FAT3: variants seen among roughly 807,000 people sequenced by gnomAD.
The protein encoded by FAT3 is protocadherin Fat 3.
FAT3 carries 95 observed loss-of-function variants against 310.2 expected under a neutral mutation model. The ratio of observed to expected loss-of-function variants is 0.31; its 90% CI spans 0.26 to 0.36. The LOEUF (loss-of-function observed/expected upper bound fraction) is 0.36. Among genes scored for constraint, FAT3 ranks in the 10% least tolerant of loss-of-function variants. FAT3 has a pLI of 1.00. For missense variants in FAT3, 5,408 were observed against 5,715.6 expected (o/e 0.95, Z 1.74); for synonymous variants, 2,314 against 2,192.9 (o/e 1.06, Z -1.54).
At chr11:92,403,448 A>G (rs930720769) in intron 2 of FAT3, 3 of 152,246 alleles carry the variant, frequency 2.0e-5, no homozygotes, top group African/African-American at 7.2e-5. Context: ...AGTGAGTTAA[A>G]TAAAATTCAT....
At chr11:92,430,879 A>G (rs1435337133) in intron 2 of FAT3, among the ~76,000 whole-genome samples, 2 of 152,100 alleles carry the variant, frequency 1.3e-5, no homozygotes, top group African/African-American at 2.4e-5. Context: ...CATGGTGTAT[A>G]TGTGCCACAT....
chr11:92,365,949 G>A (rs1400408849), intron 2 of FAT3, among the ~76,000 whole-genome samples: 2 of 152,192 alleles, frequency 1.3e-5, no homozygotes, highest in East Asian at 3.9e-4. Flanking sequence ...AAAAGTAAAT[G>A]TAACACATAC....
intron 1 of FAT3, among the ~76,000 whole-genome samples, chr11:92,343,301 C>T (rs193187786): frequency 7.1e-4 from 102 of 142,966 alleles, no homozygotes; most frequent in African/African-American, 2.8e-3. Context: ...TTGGCAGAAC[C>T]AGCTGAAGGC....
chr11:92,776,859 A>G (rs1946611159), intron 7 of FAT3, among the ~76,000 whole-genome samples: 1 of 152,106 alleles, frequency 6.6e-6, no homozygotes, highest in Non-Finnish European at 1.5e-5. Context: ...GCCATCAGGA[A>G]GTCATTACTC....
At chr11:92,499,946 G>A (rs1169938181) in intron 2 of FAT3, among the ~76,000 whole-genome samples, 2 of 151,932 alleles carry the variant, frequency 1.3e-5, no homozygotes, top group Non-Finnish European at 2.9e-5. Context: ...CAAATGTCAG[G>A]GGTCTGATAG....
At chr11:92,404,801 A>T (rs1950101473) in intron 2 of FAT3, among the ~76,000 whole-genome samples, 2 of 151,882 alleles carry the variant, frequency 1.3e-5, no homozygotes, top group African/African-American at 2.4e-5. Context: ...ATCCATTGAG[A>T]GCTCATGTAG....
intron 3 of FAT3, among the ~76,000 whole-genome samples, chr11:92,683,477 T>G (rs1322251982): frequency 6.6e-6 from 1 of 152,156 alleles, no homozygotes; most frequent in East Asian, 1.9e-4. Context: ...AAACTTCTAC[T>G]CATCCCAACC....
At chr11:92,365,153 C>T (rs1948985611) in intron 2 of FAT3, among the ~76,000 whole-genome samples, 1 of 151,954 alleles carries the variant, frequency 6.6e-6, no homozygotes, top group African/African-American at 2.4e-5. Flanking sequence ...ACCTGTGGTC[C>T]CAGCTACATG....
At chr11:92,505,652 A>G (rs981133239) in intron 2 of FAT3, among the ~76,000 whole-genome samples, 19 of 151,754 alleles carry the variant, frequency 1.3e-4, no homozygotes, top group African/African-American at 4.6e-4. Flanking sequence ...TCCTATTTCT[A>G]CCCTCCTGGG....
In FAT3 at chr11:92,423,483, T is replaced by C. The variant is rs541377393; in HGVS notation, c.3292+68079T>C. Among the ~76,000 whole-genome samples the C allele has an allele frequency of 4.6e-5, 7 of 152,312 alleles. No homozygotes were observed. In the East Asian group the frequency reaches 1.2e-3, roughly 25 times the overall value. ...TAGCTCTGCGTGTAAGGAGATCATG[T>C]AATTTATCATCCACGATGTGTTTCT... On this transcript the variant is annotated intron_variant, in intron 2 of 27. Coordinates refer to ENST00000525166, the MANE Select transcript of FAT3 (RefSeq NM_001367949.2).
intron 3 of FAT3, chr11:92,559,265 T>G (rs1955133930): frequency 6.3e-6 from 1 of 157,986 alleles, no homozygotes; most frequent in South Asian, 1.7e-4. Context: ...AACACTTATA[T>G]CACCTCAAAA....
chr11:92,852,376 G>C (rs949971185), intron 19 of FAT3, among the ~76,000 whole-genome samples: 1 of 152,108 alleles, frequency 6.6e-6, no homozygotes, highest in African/African-American at 2.4e-5. Context: ...ATTTACACTG[G>C]CCTGCAGATT....
chr11:92,293,512 TTATATATA>T (rs1195340265), intron 1 of FAT3, among the ~76,000 whole-genome samples: 1,671 of 67,850 alleles, frequency 0.025, 30 homozygotes, highest in African/African-American at 0.075. Context: ...GAACCTCAGA[TTATATATA>T]TATATATATA....
intron 3 of FAT3, among the ~76,000 whole-genome samples, chr11:92,567,064 G>T (rs987307001): frequency 6.6e-6 from 1 of 152,084 alleles, no homozygotes; most frequent in African/African-American, 2.4e-5. Context: ...AAGAGCTTCT[G>T]CACAGCAAAA....
intron 3 of FAT3, among the ~76,000 whole-genome samples, chr11:92,627,555 C>A (rs1035805500): frequency 1.3e-5 from 2 of 151,974 alleles, no homozygotes; most frequent in Non-Finnish European, 2.9e-5. Context: ...ATAGAGATGT[C>A]CCCTTAGGAA....
chr11:92,412,684 T>C (rs1458347927), intron 2 of FAT3, among the ~76,000 whole-genome samples: 1 of 122,474 alleles, frequency 8.2e-6, no homozygotes, highest in Non-Finnish European at 1.7e-5. Flanking sequence ...AGAGTAAAAG[T>C]CCAACTATGA....
intron 12 of FAT3, among the ~76,000 whole-genome samples, chr11:92,807,779 G>A (rs957137902): frequency 6.6e-6 from 1 of 152,188 alleles, no homozygotes; most frequent in Middle Eastern, 3.2e-3. Flanking sequence ...AAGGTGCAAG[G>A]TTATGTAAGC....
chr11:92,634,365 C>G (rs757300630), intron 3 of FAT3, among the ~76,000 whole-genome samples: 1 of 152,106 alleles, frequency 6.6e-6, no homozygotes, highest in Non-Finnish European at 1.5e-5. Flanking sequence ...CAAGGAGTTT[C>G]CCAGTGTTGT....
chr11:92,424,346 T>C (rs1238114728), intron 2 of FAT3, among the ~76,000 whole-genome samples: 2 of 152,182 alleles, frequency 1.3e-5, no homozygotes, highest in African/African-American at 4.8e-5. Flanking sequence ...TTTTACATAA[T>C]GTTTTTATGA....
Sources: gnomAD v4.1 joint callset for allele counts (sites outside exome capture counted in the v4.1 genomes callset) on GRCh38, gnomAD v4.1.1 for gene constraint, MANE v1.5 for transcripts, NCBI Gene and HGNC (gene_info 2026-07-23, HGNC 2026-07-21) for gene names.